The following GFRA1 variants were observed in gnomAD, a reference collection of about 807,000 sequenced individuals.
GFRA1 encodes the protein GDNF family receptor alpha 1, also known as GDNF family receptor alpha-1.
In GFRA1, 16 loss-of-function variants were observed where a neutral mutation model predicts 51.6. The observed-to-expected ratio is 0.31, with a 90% CI of 0.21 to 0.47. The LOEUF is 0.47. GFRA1 is among the 20% of genes least tolerant of loss of function. The probability of loss-of-function intolerance (pLI) is 1.00; values close to 1 mark genes in which losing one functional copy is unlikely to be tolerated. For synonymous variants in GFRA1, 270 were observed against 241.3 expected (o/e 1.12, Z -1.10); for missense variants, 530 against 594.3 (o/e 0.89, Z 1.13).
At chr10:116,140,940 C>T (rs1958537982) in intron 5 of GFRA1, among the ~76,000 whole-genome samples, 1 of 152,178 alleles carries the variant, frequency 6.6e-6, no homozygotes, top group Non-Finnish European at 1.5e-5. Flanking sequence ...AGAAGTCCCA[C>T]ATATTTGACA....
At chr10:116,135,737 G>A (rs1277699089) in intron 5 of GFRA1, among the ~76,000 whole-genome samples, 1 of 152,194 alleles carries the variant, frequency 6.6e-6, no homozygotes, top group Non-Finnish European at 1.5e-5. Context: ...TGCAAATGGT[G>A]ATGCAAAGAG....
chr10:116,185,488 C>T (rs545746772), intron 5 of GFRA1, among the ~76,000 whole-genome samples: 1 of 152,302 alleles, frequency 6.6e-6, no homozygotes, highest in Admixed American at 6.5e-5. Context: ...CTCAAAGGAG[C>T]ACCCCTGGCA....
chr10:116,134,960 A>G (rs1373867768), intron 5 of GFRA1, among the ~76,000 whole-genome samples: 2 of 151,840 alleles, frequency 1.3e-5, no homozygotes, highest in African/African-American at 4.9e-5. Flanking sequence ...AGAAAATGGG[A>G]TCATTACATT....
chr10:116,229,303 C>T (rs1468583027), intron 4 of GFRA1, among the ~76,000 whole-genome samples: 1 of 152,140 alleles, frequency 6.6e-6, no homozygotes, highest in African/African-American at 2.4e-5. Flanking sequence ...GAAAAACAGC[C>T]AGCTTAACTA....
intron 9 of GFRA1, among the ~76,000 whole-genome samples, chr10:116,088,647 G>A (rs150519142): frequency 1.2e-3 from 178 of 152,216 alleles, no homozygotes; most frequent in African/African-American, 4.0e-3. Flanking sequence ...ACCACTGGGC[G>A]CGGTGGCACA....
At chr10:116,153,080 G>A (rs1270376318) in intron 5 of GFRA1, among the ~76,000 whole-genome samples, 3 of 152,126 alleles carry the variant, frequency 2.0e-5, no homozygotes, top group Admixed American at 6.5e-5. Flanking sequence ...TAAAAACTCC[G>A]AGGGGGCCTC....
chr10:116,124,419 TG>T (rs1386229484), intron 6 of GFRA1, among the ~76,000 whole-genome samples: 1 of 148,858 alleles, frequency 6.7e-6, no homozygotes, highest in Non-Finnish European at 1.5e-5. Flanking sequence ...TTACTAGAGA[TG>T]GGGTTTTGCC....
intron 5 of GFRA1, among the ~76,000 whole-genome samples, chr10:116,166,237 T>C (rs1360781380): frequency 6.6e-6 from 1 of 152,216 alleles, no homozygotes; most frequent in African/African-American, 2.4e-5. Flanking sequence ...TTTGCTATTG[T>C]GGGTAGTGTT....
At chr10:116,115,779 A>C (rs1419905705) in intron 6 of GFRA1, among the ~76,000 whole-genome samples, 4 of 152,130 alleles carry the variant, frequency 2.6e-5, no homozygotes, top group Admixed American at 6.5e-5. Context: ...AAATTTATCC[A>C]GTTGGGTTAG....
At chr10:116,232,595 A>T (rs1966752020) in intron 4 of GFRA1, among the ~76,000 whole-genome samples, 1 of 152,210 alleles carries the variant, frequency 6.6e-6, no homozygotes, top group African/African-American at 2.4e-5. Flanking sequence ...GCTATTATGG[A>T]GTAATTAAAC....
intron 5 of GFRA1, among the ~76,000 whole-genome samples, chr10:116,134,807 C>T (rs2134066147): frequency 6.6e-6 from 1 of 152,250 alleles, no homozygotes; most frequent in East Asian, 1.9e-4. Context: ...TAGCCTTATC[C>T]ATTAGCGCTT....
chr10:116,244,296 A>G (rs932640224), intron 4 of GFRA1, among the ~76,000 whole-genome samples: 2 of 149,714 alleles, frequency 1.3e-5, no homozygotes, highest in Admixed American at 6.7e-5. Context: ...CTCATCAAAA[A>G]GAAGAAAAAT....
chr10:116,106,388 G>A (rs1018149128), intron 6 of GFRA1, among the ~76,000 whole-genome samples: 4 of 152,168 alleles, frequency 2.6e-5, no homozygotes, highest in Admixed American at 1.3e-4. Context: ...CAGCTCAATC[G>A]CTTACTAGCC....
intron 6 of GFRA1, among the ~76,000 whole-genome samples, chr10:116,098,213 A>T (rs181406078): frequency 1.3e-5 from 2 of 152,306 alleles, no homozygotes; most frequent in Admixed American, 1.3e-4. Context: ...CTCCTGTATA[A>T]GTCTCCCCAG....
At position 116,147,024 on chromosome 10, in the gene GFRA1, T is replaced by TTG. The variant is rs55916204; in HGVS notation, c.434-21469_434-21468dup. ...ATCTGTAGTGAATTTATTTATTTATTTGTGTGTGTGTGTGTGTGTGAGAGA... is the reference window on the plus strand; with the variant it reads ...ATCTGTAGTGAATTTATTTATTTATTTGTGTGTGTGTGTGTGTGTGTGAGAGA... On this transcript the variant is annotated intron_variant, in intron 5 of 10. Transcript: ENST00000355422. Among the ~76,000 whole-genome samples the TTG allele has an allele frequency of 3.2e-3, 483 of 150,294 alleles. 2 individuals are homozygous for TTG. The highest frequency in any genetic ancestry group is 0.011 in the African/African-American group (462 of 41,028).
In GFRA1 at chr10:116,176,726, C is replaced by CCT. The variant is rs1565629421; in HGVS notation, c.433+34904_433+34905insAG. ...CCTTTCTCCCTCCCTCCCTCCCTCC[C>CCT]TCCTTCCTTCCTTCCTTCCTTCCTT... On this transcript the variant is annotated intron_variant, in intron 5 of 10. Transcript: ENST00000355422. Among the ~76,000 whole-genome samples the CCT allele has an allele frequency of 1.2e-3, 157 of 130,606 alleles. 1 individual carries two copies. The highest frequency in any genetic ancestry group is 4.3e-3 in the African/African-American group (148 of 34,672). 85.7% of individuals were successfully genotyped at this position (130,606 alleles called of 152,430 possible).
At chr10:116,076,189 G>A (rs553172455) in intron 9 of GFRA1, among the ~76,000 whole-genome samples, 1 of 152,086 alleles carries the variant, frequency 6.6e-6, no homozygotes, top group African/African-American at 2.4e-5. Flanking sequence ...TAGTACTGGG[G>A]TGTTCTGGGA....
At chr10:116,264,793 A>T (rs1969538257) in intron 4 of GFRA1, among the ~76,000 whole-genome samples, 1 of 152,206 alleles carries the variant, frequency 6.6e-6, no homozygotes, top group African/African-American at 2.4e-5. Flanking sequence ...TCACTGGCCC[A>T]CTAAGGAGTT....
chr10:116,110,530 G>C (rs985163364), intron 6 of GFRA1, among the ~76,000 whole-genome samples: 9 of 152,100 alleles, frequency 5.9e-5, no homozygotes, highest in Non-Finnish European at 1.2e-4. Flanking sequence ...CACCCCTTCC[G>C]GCTTTCTCTA....
Sources: gnomAD v4.1 joint callset for allele counts (sites outside exome capture counted in the v4.1 genomes callset) on GRCh38, gnomAD v4.1.1 for gene constraint, MANE v1.5 for transcripts, NCBI Gene and HGNC (gene_info 2026-07-23, HGNC 2026-07-21) for gene names.